The following CLSTN1 variants were observed in gnomAD, a reference collection of about 807,000 sequenced individuals.
The protein encoded by CLSTN1 is calsyntenin-1.
Under a neutral mutation model 108.3 loss-of-function variants are expected in CLSTN1, and 28 were observed. That is an observed-to-expected ratio of 0.26 (90% confidence interval 0.19 to 0.35). The LOEUF is 0.35. Ranked by LOEUF, CLSTN1 falls within the 10% of genes least tolerant of loss-of-function variation. The pLI, the probability that CLSTN1 is intolerant of heterozygous loss-of-function variation, is 1.00. For missense variants in CLSTN1, 1,157 were observed against 1,302.6 expected (o/e 0.89, Z 1.72); for synonymous variants, 524 against 534.9 (o/e 0.98, Z 0.28).
At position 9,748,768 on chromosome 1, in the gene CLSTN1, C is replaced by G. The variant is rs1651406997; in HGVS notation, c.985+693G>C. ...CCTCCCAAAGTGGTAAGATTATAGG[C>G]ATGAGCCCCCATGCCCTGGCCTTTG... On this transcript the variant is annotated intron_variant, in intron 7 of 18. Transcript: ENST00000377298. 2.0e-5 allele frequency among the ~76,000 whole-genome samples: 3 copies of G among 151,590 alleles called. No individual in the cohort carries two copies. The South Asian group carries it at 6.3e-4, about 32-fold the overall frequency.
intron 2 of CLSTN1, among the ~76,000 whole-genome samples, chr1:9,765,159 C>T (rs1035390639): frequency 1.3e-5 from 2 of 151,652 alleles, no homozygotes; most frequent in Non-Finnish European, 2.9e-5. Flanking sequence ...GGGAGGCAGG[C>T]AGATCAACTG....
intron 1 of CLSTN1, among the ~76,000 whole-genome samples, chr1:9,786,648 C>CAAAAAAAAAAAAAAA: frequency 2.7e-5 from 1 of 37,094 alleles, no homozygotes; most frequent in Non-Finnish European, 6.1e-5. Flanking sequence ...GACTCCGTCT[C>CAAAAAAAAAAAAAAA]AAAAAAAAAA....
chr1:9,801,783 G>A (rs1209411444), intron 1 of CLSTN1, among the ~76,000 whole-genome samples: 2 of 151,954 alleles, frequency 1.3e-5, no homozygotes, highest in South Asian at 2.1e-4. Flanking sequence ...CTCGAACTCC[G>A]GAGCTCAGGT....
At chr1:9,737,385 A>G (rs972094999) in intron 11 of CLSTN1, 113 bp downstream of exon 11, 1 of 900,800 alleles carries the variant, frequency 1.1e-6, no homozygotes, top group African/African-American at 1.6e-5. Context: ...GAAGCAGCTC[A>G]GATGGTGTCC....
At chr1:9,742,965 T>C (rs927639647) in intron 9 of CLSTN1, among the ~76,000 whole-genome samples, 7 of 152,142 alleles carry the variant, frequency 4.6e-5, no homozygotes, top group African/African-American at 1.4e-4. Flanking sequence ...CTTTCCACTA[T>C]CATATACTTT....
At chr1:9,780,362 A>ACCCC (rs1653185201) in intron 1 of CLSTN1, among the ~76,000 whole-genome samples, 1 of 152,182 alleles carries the variant, frequency 6.6e-6, no homozygotes, top group African/African-American at 2.4e-5. Context: ...ATTTAGCCCA[A>ACCCC]CGGGGATGTA....
intron 1 of CLSTN1, among the ~76,000 whole-genome samples, chr1:9,801,648 G>A (rs188823394): frequency 1.3e-5 from 2 of 152,174 alleles, no homozygotes; most frequent in African/African-American, 2.4e-5. Context: ...TCTGCCTTCT[G>A]GGTTCAAGTG....
At chr1:9,779,244 C>A (rs1467861308) in intron 1 of CLSTN1, among the ~76,000 whole-genome samples, 1 of 152,130 alleles carries the variant, frequency 6.6e-6, no homozygotes, top group African/African-American at 2.4e-5. Flanking sequence ...TATCTAACCA[C>A]TGAAACTCAA....
At chr1:9,820,834 T>C (rs1570533988) in intron 1 of CLSTN1, among the ~76,000 whole-genome samples, 1 of 152,102 alleles carries the variant, frequency 6.6e-6, no homozygotes, top group East Asian at 1.9e-4. Context: ...CTAAGTGCTA[T>C]GCAAAAAGAA....
At chr1:9,739,499 T>C (rs1650862926) in intron 10 of CLSTN1, among the ~76,000 whole-genome samples, 1 of 152,168 alleles carries the variant, frequency 6.6e-6, no homozygotes, top group East Asian at 1.9e-4. Flanking sequence ...AAGGGATCCA[T>C]TGGCCTTGCC....
In CLSTN1 at chr1:9,819,551, T is replaced by C. The variant is rs567022939; in HGVS notation, c.91+4092A>G. On this transcript the variant is annotated intron_variant, in intron 1 of 18. Coordinates refer to ENST00000377298, the MANE Select transcript of CLSTN1 (RefSeq NM_001009566.3). The stretch of plus-strand genomic sequence containing the variant: ...GAATATCAAATACTGGCACAGATAA[T>C]GTATGTTATGACCTCCTAAACCTTC... Among the ~76,000 whole-genome samples, 327 of 152,320 alleles carry C rather than the reference T, an allele frequency of 2.1e-3. 1 individual carries two copies. The highest frequency in any genetic ancestry group is 7.3e-3 in the African/African-American group (304 of 41,562).
intron 2 of CLSTN1, among the ~76,000 whole-genome samples, chr1:9,769,751 G>C (rs1050560546): frequency 3.9e-5 from 6 of 152,142 alleles, no homozygotes; most frequent in African/African-American, 1.4e-4. Flanking sequence ...CTTTAAAAGG[G>C]TGATTTTTTG....
chr1:9,784,422 T>C (rs1653389954), intron 1 of CLSTN1, among the ~76,000 whole-genome samples: 1 of 152,000 alleles, frequency 6.6e-6, no homozygotes, highest in Non-Finnish European at 1.5e-5. Flanking sequence ...ACAGGAGGAA[T>C]GTTTCAGCCC....
At chr1:9,752,213 T>C (rs1036455545) in intron 4 of CLSTN1, among the ~76,000 whole-genome samples, 2 of 152,156 alleles carry the variant, frequency 1.3e-5, no homozygotes, top group Non-Finnish European at 2.9e-5. Context: ...CTGGTCCTGA[T>C]TCAACAAATG....
intron 1 of CLSTN1, among the ~76,000 whole-genome samples, chr1:9,818,772 C>A (rs918105760): frequency 1.4e-5 from 2 of 145,826 alleles, no homozygotes; most frequent in African/African-American, 2.5e-5. Context: ...TTTCTTCAAG[C>A]AACTCTTTTT....
At chr1:9,790,145 G>A (rs1318806248) in intron 1 of CLSTN1, among the ~76,000 whole-genome samples, 1 of 151,350 alleles carries the variant, frequency 6.6e-6, no homozygotes, top group East Asian at 2.0e-4. Context: ...GGGTAAGTTT[G>A]TGTTGTTTCA....
chr1:9,818,049 C>T (rs1655046544), intron 1 of CLSTN1, among the ~76,000 whole-genome samples: 1 of 139,472 alleles, frequency 7.2e-6, no homozygotes, highest in Non-Finnish European at 1.5e-5. Flanking sequence ...CTCTGTCGCT[C>T]AGGCTGGAAT....
chr1:9,737,420 T>C, intron 11 of CLSTN1, 78 bp downstream of exon 11: 1 of 1,380,432 alleles, frequency 7.2e-7, no homozygotes, highest in Non-Finnish European at 1.0e-6. Context: ...ACTGGGGCGT[T>C]TCATGCGACA....
At chr1:9,787,047 G>A (rs865870542) in intron 1 of CLSTN1, among the ~76,000 whole-genome samples, 1 of 151,286 alleles carries the variant, frequency 6.6e-6, no homozygotes. Context: ...GGTGGCTGCA[G>A]GGGTGAGAAG....
Sources: gnomAD v4.1 joint callset for allele counts (sites outside exome capture counted in the v4.1 genomes callset) on GRCh38, gnomAD v4.1.1 for gene constraint, MANE v1.5 for transcripts, NCBI Gene and HGNC (gene_info 2026-07-23, HGNC 2026-07-21) for gene names.